The following NCAM2 variants were observed in gnomAD, a reference collection of about 807,000 sequenced individuals.
NCAM2 encodes N-CAM-2.
In NCAM2, 30 loss-of-function variants were observed where a neutral mutation model predicts 98.1. The observed-to-expected ratio is 0.31, with a 90% CI of 0.23 to 0.41. The LOEUF (loss-of-function observed/expected upper bound fraction) is 0.41, where lower values mean the gene tolerates loss of function less well. Ranked by LOEUF, NCAM2 falls within the 10% of genes least tolerant of loss-of-function variation. NCAM2 has a pLI of 1.00. For missense variants in NCAM2, 867 were observed against 1,005.8 expected, an observed-to-expected ratio of 0.86 and a Z score of 1.87; for synonymous variants, 368 against 342.4, an observed-to-expected ratio of 1.07 and a Z score of -0.83.
At chr21:21,262,680 A>G (rs1416373482) in intron 1 of NCAM2, among the ~76,000 whole-genome samples, 7 of 147,060 alleles carry the variant, frequency 4.8e-5, no homozygotes, top group African/African-American at 7.5e-5. Flanking sequence ...AAAAAAAAAG[A>G]TGTCTTGCAA....
In NCAM2 at chr21:21,464,673, A is replaced by G. The variant is rs563934592; in HGVS notation, c.1655-1933A>G. The stretch of plus-strand genomic sequence containing the variant: ...CTTAAAGACAGTAAAATTCCAATTT[A>G]CTAGCATTTTAGCAACCTTGGTTAA... On this transcript the variant is annotated intron_variant, in intron 12 of 17. Transcript: ENST00000400546. Among the ~76,000 whole-genome samples the G allele has an allele frequency of 2.6e-5, 4 of 152,294 alleles. No homozygotes were observed. In the South Asian group the frequency reaches 8.3e-4, roughly 32 times the overall value.
chr21:20,998,770 G>A (rs1340867993), intron 1 of NCAM2, 152 bp downstream of exon 1: 4 of 787,980 alleles, frequency 5.1e-6, no homozygotes, highest in African/African-American at 3.5e-5. Flanking sequence ...CTTTCTCCTA[G>A]CTGTCCCTAA....
chr21:21,517,186 G>A (rs983289941), intron 16 of NCAM2, among the ~76,000 whole-genome samples: 2 of 151,982 alleles, frequency 1.3e-5, no homozygotes, highest in Non-Finnish European at 2.9e-5. Context: ...AATGCTTCTA[G>A]CTCAATAAAG....
rs774863313 is a variant in NCAM2 at position 21,538,212 on chromosome 21, A to T, written c.*255A>T. ...GACTGGCACCAACACTTTGGTATTC[A>T]ATTTGATTCTATGACTGAAGTACTG... is the stretch of plus-strand genomic sequence containing the variant. On this transcript the variant is annotated 3_prime_UTR_variant, in exon 18 of 18. Transcript: ENST00000400546. 3.6e-5 allele frequency: 9 copies of T among 247,504 alleles called. No individual in the cohort carries two copies. The highest frequency in any genetic ancestry group is 7.0e-5 in the Non-Finnish European group (9 of 129,236). The allele number at this position is 247,504 out of a possible 1,614,324, so 15.3% of individuals were successfully genotyped here. A position where few individuals can be genotyped will look rare whatever the true frequency, so the allele number is the denominator to read the frequency against.
intron 1 of NCAM2, among the ~76,000 whole-genome samples, chr21:21,170,061 C>G (rs1275508490): frequency 1.3e-5 from 2 of 152,156 alleles, no homozygotes; most frequent in African/African-American, 2.4e-5. Context: ...GATACCACAG[C>G]ACCCTTATTA....
chr21:21,255,395 T>C (rs183111822), intron 1 of NCAM2, among the ~76,000 whole-genome samples: 16 of 152,342 alleles, frequency 1.1e-4, no homozygotes, highest in Admixed American at 1.0e-3. Flanking sequence ...TCACCTTCTG[T>C]GAAATCTCTA....
chr21:21,121,786 C>T (rs367734402), intron 1 of NCAM2, among the ~76,000 whole-genome samples: 2 of 152,296 alleles, frequency 1.3e-5, no homozygotes, highest in African/African-American at 4.8e-5. Flanking sequence ...AGAATCATGC[C>T]GTTGAAGTGG....
chr21:21,231,522 C>T (rs1042799582), intron 1 of NCAM2, among the ~76,000 whole-genome samples: 4 of 151,270 alleles, frequency 2.6e-5, no homozygotes, highest in African/African-American at 9.7e-5. Context: ...TGGACAATTG[C>T]TAATGACTCT....
chr21:21,486,282 C>A (rs1170806493), intron 15 of NCAM2, among the ~76,000 whole-genome samples: 3 of 107,164 alleles, frequency 2.8e-5, no homozygotes, highest in East Asian at 3.0e-4. Flanking sequence ...CCAGCCTGGG[C>A]AACAGAGCGA....
chr21:21,136,456 A>T (rs6518081), intron 1 of NCAM2, among the ~76,000 whole-genome samples: 63,791 of 150,866 alleles, frequency 0.42, 14,025 homozygotes, highest in African/African-American at 0.55. Flanking sequence ...ACTCTACTCA[A>T]TTTATCTCTT....
intron 1 of NCAM2, among the ~76,000 whole-genome samples, chr21:21,085,872 G>A (rs1274061155): frequency 1.3e-5 from 2 of 152,176 alleles, no homozygotes; most frequent in African/African-American, 4.8e-5. Context: ...CAAACAGCAA[G>A]TATGATTTTT....
intron 10 of NCAM2, among the ~76,000 whole-genome samples, chr21:21,412,170 T>C (rs1349918007): frequency 6.6e-6 from 1 of 152,212 alleles, no homozygotes; most frequent in Non-Finnish European, 1.5e-5. Flanking sequence ...TTGCTTTCTA[T>C]AGAGGACTCT....
intron 1 of NCAM2, among the ~76,000 whole-genome samples, chr21:21,115,435 C>T (rs886982230): frequency 1.3e-5 from 2 of 152,118 alleles, no homozygotes; most frequent in Admixed American, 1.3e-4. Context: ...CCAGTTTACA[C>T]TCAGTTTCTC....
chr21:21,034,449 G>A (rs1468455322), intron 1 of NCAM2, among the ~76,000 whole-genome samples: 1 of 152,094 alleles, frequency 6.6e-6, no homozygotes, highest in African/African-American at 2.4e-5. Context: ...AACTTTCTCG[G>A]TCGTCCATAC....
At chr21:21,116,093 T>A (rs1457655228) in intron 1 of NCAM2, among the ~76,000 whole-genome samples, 1 of 151,934 alleles carries the variant, frequency 6.6e-6, no homozygotes, top group Admixed American at 6.6e-5. Context: ...TGCACATAGA[T>A]GTACAGTTCC....
intron 12 of NCAM2, 27 bp from the exon 13 acceptor site, chr21:21,466,579 T>G (rs1983711179): frequency 6.1e-6 from 9 of 1,479,556 alleles, no homozygotes; most frequent in Non-Finnish European, 7.3e-6. Flanking sequence ...ATATGTTTTA[T>G]TTTGTTTTGT....
intron 12 of NCAM2, among the ~76,000 whole-genome samples, chr21:21,458,779 G>T (rs1982535247): frequency 6.6e-6 from 1 of 152,052 alleles, no homozygotes; most frequent in South Asian, 2.1e-4. Context: ...TCTTGGCGTT[G>T]GTCTGCACAA....
chr21:21,360,315 C>G (rs149010541), intron 8 of NCAM2, among the ~76,000 whole-genome samples: 170 of 151,960 alleles, frequency 1.1e-3, no homozygotes, highest in African/African-American at 3.9e-3. Flanking sequence ...TGTTTAGTAG[C>G]TGTGTTTATA....
At chr21:21,067,603 T>C (rs1047232036) in intron 1 of NCAM2, among the ~76,000 whole-genome samples, 2 of 152,180 alleles carry the variant, frequency 1.3e-5, no homozygotes, top group Non-Finnish European at 2.9e-5. Context: ...ATCCTACTTT[T>C]CACAGACCCC....
Sources: gnomAD v4.1 joint callset for allele counts (sites outside exome capture counted in the v4.1 genomes callset) on GRCh38, gnomAD v4.1.1 for gene constraint, MANE v1.5 for transcripts, NCBI Gene and HGNC (gene_info 2026-07-23, HGNC 2026-07-21) for gene names.